Variants in TTLL1 observed in about 807,000 individuals in gnomAD.
The protein encoded by TTLL1 is polyglutamylase complex subunit TTLL1.
In TTLL1, 33 loss-of-function variants were observed where a neutral mutation model predicts 47.8. That is an observed-to-expected ratio of 0.69 (90% CI 0.52 to 0.92). The LOEUF (loss-of-function observed/expected upper bound fraction) is 0.92, where lower values mean the gene tolerates loss of function less well. TTLL1 is among the 40% of genes least tolerant of loss of function. The probability of loss-of-function intolerance (pLI) is 0.00; values close to 1 mark genes in which losing one functional copy is unlikely to be tolerated. For synonymous variants in TTLL1, 225 were observed against 214.1 expected, an observed-to-expected ratio of 1.05 and a Z score of -0.45; for missense variants, 488 against 547.5, an observed-to-expected ratio of 0.89 and a Z score of 1.08.
intron 5 of TTLL1, among the ~76,000 whole-genome samples, chr22:43,066,174 T>TAAAAAAAAAAATTA (rs149083003): frequency 7.0e-6 from 1 of 143,254 alleles, no homozygotes; most frequent in African/African-American, 2.6e-5. Context: ...AAAAAAAAAT[T>TAAAAAAAAAAATTA]AAAAAAAAAA....
chr22:43,041,853 G>A (rs912415601), intron 10 of TTLL1, among the ~76,000 whole-genome samples: 24 of 152,146 alleles, frequency 1.6e-4, no homozygotes, highest in African/African-American at 5.3e-4. Context: ...AGACACCACA[G>A]GGATCCAGGC....
chr22:43,059,078 C>T (rs775250524), intron 8 of TTLL1, among the ~76,000 whole-genome samples: 5 of 152,206 alleles, frequency 3.3e-5, no homozygotes, highest in Non-Finnish European at 5.9e-5. Context: ...CAACCTCTGC[C>T]TCCCGGGTTC....
At chr22:43,042,685 G>A (rs185985012) in intron 10 of TTLL1, among the ~76,000 whole-genome samples, 20 of 152,282 alleles carry the variant, frequency 1.3e-4, no homozygotes, top group Non-Finnish European at 1.9e-4. Flanking sequence ...CTCAGATGAC[G>A]TGGCCCTCCC....
intron 10 of TTLL1, 26 bp from the exon 11 acceptor site, chr22:43,039,931 C>T (rs950528246): frequency 3.1e-6 from 5 of 1,607,794 alleles, no homozygotes; most frequent in East Asian, 2.2e-5. Flanking sequence ...GCCAGGATCA[C>T]GGCAGGCTCT....
At chr22:43,054,281 T>G (rs1040825966) in intron 8 of TTLL1, among the ~76,000 whole-genome samples, 4 of 152,204 alleles carry the variant, frequency 2.6e-5, no homozygotes, top group Non-Finnish European at 5.9e-5. Flanking sequence ...AGCAGTGAAC[T>G]AGGTCCCGGG....
At chr22:43,068,649 G>T in intron 4 of TTLL1, 59 bp from the exon 5 acceptor site, 1 of 1,362,898 alleles carries the variant, frequency 7.3e-7, no homozygotes. Flanking sequence ...GCCATGAACA[G>T]AAAGATCTTG....
Position 43,075,635 on chromosome 22 carries a change from A to T in TTLL1, c.-4-45T>A, listed in dbSNP as rs1263512362. The stretch of plus-strand genomic sequence containing the variant: ...TAGAGATATGAAACTTCAACAGCTC[A>T]CTTCCCTTTAAACCCAAGGAATCCT... On this transcript the variant is annotated intron_variant, in intron 2 of 10. Coordinates refer to ENST00000266254, the MANE Select transcript of TTLL1 (RefSeq NM_012263.5). The T allele has an allele frequency of 1.9e-6, 3 of 1,545,612 alleles. No individual in the cohort carries two copies. In the East Asian group the frequency reaches 6.7e-5, roughly 35 times the overall value.
chr22:43,067,832 T>G (rs1478665200), intron 5 of TTLL1, among the ~76,000 whole-genome samples: 2 of 151,756 alleles, frequency 1.3e-5, no homozygotes, highest in African/African-American at 4.8e-5. Flanking sequence ...TTAGACAGAA[T>G]CTCACTCTGT....
chr22:43,067,493 C>T (rs1421840032), intron 5 of TTLL1, among the ~76,000 whole-genome samples: 3 of 152,236 alleles, frequency 2.0e-5, no homozygotes, highest in Admixed American at 6.5e-5. Context: ...GGTTCTCACA[C>T]CAGCCTGTAA....
chr22:43,078,118 C>G (rs963977158), intron 2 of TTLL1, among the ~76,000 whole-genome samples: 2 of 151,580 alleles, frequency 1.3e-5, no homozygotes, highest in Admixed American at 6.6e-5. Context: ...AAAAAAAAAG[C>G]ACTCAAGAGA....
At position 43,040,073 on chromosome 22, in the gene TTLL1, C is replaced by G. The variant is rs1331817255; in HGVS notation, c.1143-168G>C. The G allele has an allele frequency of 3.6e-6, 3 of 835,740 alleles. No individual in the cohort carries two copies. The African/African-American group carries it at 5.2e-5, about 15-fold the overall frequency. 51.8% of individuals were successfully genotyped at this position (835,740 alleles called of 1,614,324 possible). ...CGCCCACCTCCCACCTGGCTCCAGCCCACCTGCCTGCCAGGTGGCTCTCGC... is the reference window on the plus strand; with the variant it reads ...CGCCCACCTCCCACCTGGCTCCAGCGCACCTGCCTGCCAGGTGGCTCTCGC... On this transcript the variant is annotated intron_variant, in intron 10 of 10. Coordinates refer to ENST00000266254, the MANE Select transcript of TTLL1 (RefSeq NM_012263.5).
At chr22:43,051,976 C>G (rs1334363695) in intron 8 of TTLL1, 89 bp from the exon 9 acceptor site, 1 of 1,230,968 alleles carries the variant, frequency 8.1e-7, no homozygotes, top group South Asian at 1.2e-5. Context: ...GATCGTCCCA[C>G]GTCCCGACCT....
intron 3 of TTLL1, among the ~76,000 whole-genome samples, chr22:43,072,450 G>A (rs561234940): frequency 6.6e-6 from 1 of 151,248 alleles, no homozygotes; most frequent in East Asian, 2.0e-4. Context: ...CACCGCGCCT[G>A]GCCACCATCT....
intron 1 of TTLL1, among the ~76,000 whole-genome samples, chr22:43,083,352 G>C (rs1929022693): frequency 6.6e-6 from 1 of 151,826 alleles, no homozygotes; most frequent in Non-Finnish European, 1.5e-5. Context: ...CTGGGCGACA[G>C]AGCGAGACTT....
intron 1 of TTLL1, among the ~76,000 whole-genome samples, chr22:43,087,449 G>A: frequency 6.6e-6 from 1 of 151,820 alleles, no homozygotes; most frequent in Non-Finnish European, 1.5e-5. Flanking sequence ...ACTTGAACCT[G>A]GGAGGTGGAG....
At chr22:43,076,579 G>A (rs919524774) in intron 2 of TTLL1, among the ~76,000 whole-genome samples, 10 of 151,508 alleles carry the variant, frequency 6.6e-5, no homozygotes, top group East Asian at 5.9e-4. Flanking sequence ...GTGAAACCCT[G>A]TCTCTACTAA....
At chr22:43,078,328 T>C (rs1285218485) in intron 2 of TTLL1, among the ~76,000 whole-genome samples, 1 of 149,830 alleles carries the variant, frequency 6.7e-6, no homozygotes, top group African/African-American at 2.5e-5. Context: ...AAACCCCGTC[T>C]CTACTAAAAA....
chr22:43,051,707 T>A, intron 9 of TTLL1, 94 bp downstream of exon 9: 1 of 1,194,784 alleles, frequency 8.4e-7, no homozygotes, highest in Non-Finnish European at 1.3e-6. Context: ...CTGAGAAACA[T>A]CTGGGGCCTG....
intron 8 of TTLL1, among the ~76,000 whole-genome samples, chr22:43,056,020 C>T (rs1926976154): frequency 6.6e-6 from 1 of 151,924 alleles, no homozygotes; most frequent in Admixed American, 6.6e-5. Context: ...GCTGGGATTA[C>T]AGGCGTGAGC....
Sources: gnomAD v4.1 joint callset for allele counts (sites outside exome capture counted in the v4.1 genomes callset) on GRCh38, gnomAD v4.1.1 for gene constraint, MANE v1.5 for transcripts, NCBI Gene and HGNC (gene_info 2026-07-23, HGNC 2026-07-21) for gene names.